The following MAPKBP1 variants were observed in gnomAD, a reference collection of about 807,000 sequenced individuals.
MAPKBP1 encodes mitogen-activated protein kinase binding protein 1, also known as mitogen-activated protein kinase-binding protein 1.
In MAPKBP1, 71 loss-of-function variants were observed where a neutral mutation model predicts 170.5. That is an observed-to-expected ratio of 0.42 (90% confidence interval 0.34 to 0.51). The LOEUF is 0.51. Among genes scored for constraint, MAPKBP1 ranks in the 20% least tolerant of loss-of-function variants. The pLI is 0.06. For missense variants in MAPKBP1, 1,598 were observed against 1,933.0 expected (o/e 0.83, Z 3.25); for synonymous variants, 719 against 757.9 (o/e 0.95, Z 0.84).
At chr15:41,795,163 CAAAAA>C (rs57214059) in intron 2 of MAPKBP1, among the ~76,000 whole-genome samples, 7 of 113,216 alleles carry the variant, frequency 6.2e-5, no homozygotes, top group East Asian at 2.5e-4. Flanking sequence ...AACCCTGTCT[CAAAAA>C]AAAAAAAAAA....
intron 2 of MAPKBP1, among the ~76,000 whole-genome samples, chr15:41,792,916 T>C (rs1003346015): frequency 6.6e-6 from 1 of 152,148 alleles, no homozygotes; most frequent in Non-Finnish European, 1.5e-5. Flanking sequence ...GGGTGGGTCA[T>C]TGGTTCTCAG....
At chr15:41,816,079 A>G (rs994228881) in intron 12 of MAPKBP1, among the ~76,000 whole-genome samples, 4 of 152,244 alleles carry the variant, frequency 2.6e-5, no homozygotes, top group Non-Finnish European at 4.4e-5. Context: ...CATAAACTCA[A>G]TATAGGCGTG....
chr15:41,811,671 C>T (rs911345702), intron 5 of MAPKBP1: 2 of 646,170 alleles, frequency 3.1e-6, no homozygotes, highest in African/African-American at 1.8e-5. Flanking sequence ...GGTAGTGGCT[C>T]TCAATGCCGG....
chr15:41,781,169 G>A (rs1189920852), intron 2 of MAPKBP1, among the ~76,000 whole-genome samples: 2 of 151,332 alleles, frequency 1.3e-5, no homozygotes, highest in African/African-American at 4.9e-5. Context: ...TCCACCTCCC[G>A]GGTTCAAGTG....
At chr15:41,816,146 C>G in intron 12 of MAPKBP1, 1 of 339,662 alleles carries the variant, frequency 2.9e-6, no homozygotes, top group Non-Finnish European at 5.4e-6. Flanking sequence ...CTGATCAATA[C>G]TCTTCAAAAA....
At chr15:41,782,092 C>CAAAAAAAAAAA (rs58449893) in intron 2 of MAPKBP1, among the ~76,000 whole-genome samples, 1 of 111,208 alleles carries the variant, frequency 9.0e-6, no homozygotes, top group Non-Finnish European at 1.8e-5. Context: ...ACTAAAAATA[C>CAAAAAAAAAAA]AAAAAAAAAA....
At chr15:41,805,686 G>A (rs1268829214) in intron 3 of MAPKBP1, among the ~76,000 whole-genome samples, 5 of 152,228 alleles carry the variant, frequency 3.3e-5, no homozygotes, top group African/African-American at 9.7e-5. Context: ...TTGAAGCATT[G>A]CACTGGGTGT....
chr15:41,823,581 A>C lies in MAPKBP1; in HGVS notation c.3733A>C (p.Thr1245Pro). ...PSRPHSYQNP[T>P]TSSMAKISRS... ...TCGGCCTCACTCCTATCAGAACCCCACCACCAGTTCCATGGCCAAGATATC... is the reference window on the plus strand; with the variant it reads ...TCGGCCTCACTCCTATCAGAACCCCCCCACCAGTTCCATGGCCAAGATATC... Residue 1245 changes from threonine to proline, a missense_variant, in exon 29 of 31, where the codon ACC (threonine) becomes CCC (proline). Thr to Pro is a conservative substitution (Grantham distance 38, BLOSUM62 -1). This residue lies in a region of MAPKBP1 where 942 missense variants were observed against 953.2 expected (regional missense o/e 0.99). Transcript: ENST00000457542. 1 of 1,613,850 alleles carries C rather than the reference A, an allele frequency of 6.2e-7. No individual in the cohort carries two copies. The highest frequency in any genetic ancestry group is 8.5e-7 in the Non-Finnish European group (1 of 1,179,936).
rs201011586 is a variant in MAPKBP1 at position 41,818,106 on chromosome 15, T to G, written c.1980+22T>G. 3 of 1,613,458 alleles carry G rather than the reference T, an allele frequency of 1.9e-6. No homozygotes were observed. The African/African-American group carries it at 4.0e-5, about 22-fold the overall frequency. ...TAAGGTAAGGACCCAGAGGGGGTAC[T>G]GGACAGGGGCTCGGGGACAGAGTGG... On this transcript the variant is annotated intron_variant, in intron 17 of 30. Transcript: ENST00000457542. The surrounding 1 kb of genome is among the most constrained non-coding windows in gnomAD (Gnocchi z 5.2).
intron 22 of MAPKBP1, 138 bp from the exon 23 acceptor site, chr15:41,820,694 C>G (rs2064980293): frequency 3.1e-6 from 2 of 655,430 alleles, no homozygotes; most frequent in Non-Finnish European, 5.4e-6. Flanking sequence ...TACTAGTGCC[C>G]ATTTCAAAAG....
In MAPKBP1 at chr15:41,822,969, A is replaced by C. The variant is rs780731784; in HGVS notation, c.3345A>C (p.Ala1115=). The C allele has an allele frequency of 6.2e-7, 1 of 1,613,292 alleles. No homozygotes were observed. The highest frequency in any genetic ancestry group is 1.3e-5 in the African/African-American group (1 of 74,912). The change falls in exon 28 of 31, where the codon GCA becomes GCC. Residue 1115 remains alanine, a synonymous_variant. Coordinates refer to ENST00000457542, the MANE Select transcript of MAPKBP1 (RefSeq NM_014994.3). ...REPSPSSSSL[A]LMSRPAQVPQ... ...CATCCCCATCCTCCTCAAGCCTGGC[A>C]CTGATGTCGAGACCAGCCCAGGTGC...
At chr15:41,821,122 C>G in intron 23 of MAPKBP1, 54 bp downstream of exon 23, 1 of 1,546,382 alleles carries the variant, frequency 6.5e-7, no homozygotes. Flanking sequence ...CTTAGGCAGC[C>G]TTTGCCACCA....
At chr15:41,824,306 G>C (rs2065052180) in intron 29 of MAPKBP1, among the ~76,000 whole-genome samples, 178 bp from the exon 30 acceptor site, 1 of 152,218 alleles carries the variant, frequency 6.6e-6, no homozygotes, top group Non-Finnish European at 1.5e-5. Flanking sequence ...CGTCTCCTCT[G>C]GACCTTGTTT....
At chr15:41,821,372 C>G in intron 23 of MAPKBP1, 1 of 611,158 alleles carries the variant, frequency 1.6e-6, no homozygotes, top group East Asian at 2.7e-5. Flanking sequence ...TATAGTTCAT[C>G]CAGAAGCTCA....
Position 41,813,742 on chromosome 15 carries a change from A to G in MAPKBP1, c.941A>G (p.His314Arg). Residue 314 changes from histidine to arginine, a missense_variant, in exon 9 of 31, where the codon CAT (histidine) becomes CGT (arginine). Coordinates refer to ENST00000457542, the MANE Select transcript of MAPKBP1 (RefSeq NM_014994.3). ...TTCCTTAGCACCTTGCCCCGACCCC[A>G]TGCTCTGGGGACAGACATTGCTAGC... Reference protein sequence around the residue: ...LHFLSTLPRPHALGTDIASVT... With the variant: ...LHFLSTLPRPRALGTDIASVT... 2.5e-6 allele frequency: 4 copies of G among 1,611,424 alleles called. No individual in the cohort carries two copies. The highest frequency in any genetic ancestry group is 3.4e-6 in the Non-Finnish European group (4 of 1,178,894).
chr15:41,783,767 T>A (rs2064230137), intron 2 of MAPKBP1, among the ~76,000 whole-genome samples: 1 of 152,128 alleles, frequency 6.6e-6, no homozygotes, highest in Non-Finnish European at 1.5e-5. Context: ...CCCAGCACTT[T>A]GGGAGGCCGA....
rs1338548090 is a variant in MAPKBP1 at position 41,799,808 on chromosome 15, C to G, written c.115-15C>G. The G allele has an allele frequency of 1.2e-6, 2 of 1,607,996 alleles. No homozygotes were observed. The highest frequency in any genetic ancestry group is 1.7e-6 in the Non-Finnish European group (2 of 1,174,412). On this transcript the variant is annotated splice_polypyrimidine_tract_variant and intron_variant, in intron 2 of 30. Coordinates refer to ENST00000457542, the MANE Select transcript of MAPKBP1 (RefSeq NM_014994.3). ...ACTCTGTCTGTAACATGTCACTTCT[C>G]TCTTCCTCTAACAGGTGACCTTGGA...
rs778093543 is a variant in MAPKBP1, at chr15:41,821,067, A to G, written c.2717A>G (p.Gln906Arg). ...GCCCTTGAGACTTCACTCACTAGCCAGGTGAGCCTGCTTTCTCCCAGCTCT... is the reference window on the plus strand; with the variant it reads ...GCCCTTGAGACTTCACTCACTAGCCGGGTGAGCCTGCTTTCTCCCAGCTCT... ...QEALETSLTS[Q>R]NEKPPRPQAS... Residue 906 changes from glutamine (Q) to arginine (R), a missense_variant and splice_region_variant, in exon 23 of 31, where the codon CAG becomes CGG. By Grantham distance (43) the Gln-to-Arg change is conservative. Coordinates refer to ENST00000457542, the MANE Select transcript of MAPKBP1 (RefSeq NM_014994.3). 1 of 1,613,518 alleles carries G rather than the reference A, an allele frequency of 6.2e-7. No individual in the cohort carries two copies. Among genetic ancestry groups the G allele is most frequent in the Non-Finnish European group, 8.5e-7 (1 of 1,179,656 alleles).
At chr15:41,796,108 G>C (rs1460131391) in intron 2 of MAPKBP1, among the ~76,000 whole-genome samples, 4 of 152,204 alleles carry the variant, frequency 2.6e-5, no homozygotes, top group Non-Finnish European at 2.9e-5. Flanking sequence ...AGATTTGTGA[G>C]CCTTTGCTGA....
Sources: allele counts gnomAD v4.1 joint callset (sites outside exome capture counted in the v4.1 genomes callset), GRCh38; gene constraint gnomAD v4.1.1; regional missense constraint gnomAD v4.1.1; non-coding constraint Gnocchi (gnomAD v3.1); transcripts MANE v1.5; gene names NCBI Gene and HGNC (gene_info 2026-07-23, HGNC 2026-07-21).